ADGRG7: variants seen among roughly 807,000 people sequenced by gnomAD.
ADGRG7 encodes G-protein coupled receptor 128.
ADGRG7 carries 82 observed loss-of-function variants against 88.6 expected under a neutral mutation model. The ratio of observed to expected loss-of-function variants is 0.93; its 90% confidence interval spans 0.77 to 1.11. The LOEUF is 1.11. ADGRG7 is among the 50% of genes most tolerant of loss of function. The pLI is 0.00. For missense variants in ADGRG7, 945 were observed against 953.4 expected (o/e 0.99, Z 0.12); for synonymous variants, 381 against 345.2 (o/e 1.10, Z -1.15).
At chr3:100,674,810 CTCGT>C (rs913016254) in intron 15 of ADGRG7, among the ~76,000 whole-genome samples, 11 of 152,296 alleles carry the variant, frequency 7.2e-5, no homozygotes, top group African/African-American at 2.2e-4. Flanking sequence ...ATCTCCTGAC[CTCGT>C]GATCCACCCA....
chr3:100,681,741 T>A (rs1299339591), intron 15 of ADGRG7, among the ~76,000 whole-genome samples: 1 of 152,224 alleles, frequency 6.6e-6, no homozygotes, highest in East Asian at 1.9e-4. Flanking sequence ...CTCTGTAGTA[T>A]GGAAACATGT....
intron 10 of ADGRG7, among the ~76,000 whole-genome samples, chr3:100,648,414 AT>A (rs2149027031): frequency 6.6e-6 from 1 of 152,338 alleles, no homozygotes; most frequent in African/African-American, 2.4e-5. Flanking sequence ...TACACTACGT[AT>A]AAGAAATAAC....
intron 11 of ADGRG7, among the ~76,000 whole-genome samples, chr3:100,651,094 C>G (rs6770559): frequency 0.6 from 91,734 of 152,040 alleles, 29,536 homozygotes; most frequent in East Asian, 0.99. Flanking sequence ...CTTTTCTTCC[C>G]CTTTTCACAT....
intron 15 of ADGRG7, among the ~76,000 whole-genome samples, chr3:100,679,618 G>A (rs1383986009): frequency 6.6e-6 from 1 of 152,206 alleles, no homozygotes; most frequent in Admixed American, 6.5e-5. Context: ...TGAAAGAAAA[G>A]CTCTTTATGA....
At chr3:100,663,676 A>G (rs996685071) in intron 14 of ADGRG7, among the ~76,000 whole-genome samples, 17 of 152,072 alleles carry the variant, frequency 1.1e-4, no homozygotes, top group Admixed American at 1.3e-4. Context: ...TACGAATGGA[A>G]AACATGCCAA....
chr3:100,680,880 A>G (rs1394340715), intron 15 of ADGRG7, among the ~76,000 whole-genome samples: 1 of 152,198 alleles, frequency 6.6e-6, no homozygotes, highest in Non-Finnish European at 1.5e-5. Flanking sequence ...ATATTCAGTC[A>G]TATATCTATG....
Position 100,654,562 on chromosome 3 carries a change from G to A in ADGRG7, c.1380-273G>A, listed in dbSNP as rs183098162. 201 of 277,406 alleles carry A rather than the reference G, an allele frequency of 7.2e-4. 3 individuals are homozygous for A. The highest frequency in any genetic ancestry group is 4.6e-3 in the East Asian group (60 of 13,146). 17.2% of individuals were successfully genotyped at this position (277,406 alleles called of 1,614,324 possible). A position where few individuals can be genotyped will look rare whatever the true frequency, so the allele number is the denominator to read the frequency against. ...GTAGGGTTCACTGGGGGCCATTTTT[G>A]GAGATTAGCTATCACTTTTGATCAG... is the stretch of plus-strand genomic sequence containing the variant. On this transcript the variant is annotated intron_variant, in intron 11 of 15. Transcript: ENST00000273352.
intron 15 of ADGRG7, among the ~76,000 whole-genome samples, chr3:100,690,389 C>G (rs1045185866): frequency 1.3e-5 from 2 of 152,220 alleles, no homozygotes; most frequent in African/African-American, 4.8e-5. Flanking sequence ...AAGTCATTCT[C>G]CATCCAGCTT....
intron 15 of ADGRG7, among the ~76,000 whole-genome samples, chr3:100,694,131 T>C (rs2094998311): frequency 1.3e-5 from 2 of 152,212 alleles, no homozygotes; most frequent in African/African-American, 4.8e-5. Flanking sequence ...GAGGATTACA[T>C]GAGAATGATC....
At chr3:100,641,031 A>C (rs915879164) in intron 6 of ADGRG7, among the ~76,000 whole-genome samples, 1 of 152,146 alleles carries the variant, frequency 6.6e-6, no homozygotes, top group Non-Finnish European at 1.5e-5. Flanking sequence ...TCTTGAACAA[A>C]TAGAGATTTA....
At chr3:100,670,513 T>C (rs115212134) in intron 15 of ADGRG7, among the ~76,000 whole-genome samples, 4,977 of 152,338 alleles carry the variant, frequency 0.033, 276 homozygotes, top group African/African-American at 0.11. Context: ...TTCTTTTGGA[T>C]ATATATCTAG....
Position 100,694,865 on chromosome 3 carries a change from C to T in ADGRG7, c.2258C>T (p.Pro753Leu), listed in dbSNP as rs762241234. Reference protein sequence around the residue: ...RRKSLPSVTRPRLRVKMYNFL... With the variant: ...RRKSLPSVTRLRLRVKMYNFL... ...AAGTCATTGCCTTCAGTGACGCGGC[C>T]GAGGCTGCGTGTAAAGATGTATAAT... Residue 753 changes from proline (P) to leucine (L), a missense_variant, in exon 16 of 16, where the codon CCG becomes CTG. Pro to Leu is a moderately conservative substitution (Grantham distance 98, BLOSUM62 -3). Coordinates refer to ENST00000273352, the MANE Select transcript of ADGRG7 (RefSeq NM_032787.3). 150 of 1,613,952 alleles carry T rather than the reference C, an allele frequency of 9.3e-5. No individual in the cohort carries two copies. The highest frequency in any genetic ancestry group is 1.2e-4 in the Non-Finnish European group (140 of 1,180,028).
chr3:100,615,131 G>A (rs1707206350), intron 1 of ADGRG7, among the ~76,000 whole-genome samples: 1 of 152,180 alleles, frequency 6.6e-6, no homozygotes. Context: ...TTACAAGGAG[G>A]TCTGAGTCTA....
At chr3:100,630,383 C>A (rs889077487) in intron 2 of ADGRG7, among the ~76,000 whole-genome samples, 2 of 152,176 alleles carry the variant, frequency 1.3e-5, no homozygotes, top group African/African-American at 4.8e-5. Flanking sequence ...CCTCATGGTA[C>A]CGTTGACCAC....
chr3:100,686,298 C>G (rs2094982521), intron 15 of ADGRG7, among the ~76,000 whole-genome samples: 1 of 151,836 alleles, frequency 6.6e-6, no homozygotes, highest in African/African-American at 2.4e-5. Flanking sequence ...TGAGTAGGTT[C>G]CAAAAATTTT....
At chr3:100,678,189 C>T (rs1048747827) in intron 15 of ADGRG7, among the ~76,000 whole-genome samples, 2 of 151,830 alleles carry the variant, frequency 1.3e-5, no homozygotes, top group Non-Finnish European at 2.9e-5. Context: ...CTTTCTTCTG[C>T]TTGATTAATT....
At position 100,637,379 on chromosome 3, in the gene ADGRG7, T is replaced by A. The variant is rs1436345203; in HGVS notation, c.675T>A (p.Thr225=). The A allele has an allele frequency of 1.2e-6, 2 of 1,613,272 alleles. No homozygotes were observed. The highest frequency in any genetic ancestry group is 1.7e-6 in the Non-Finnish European group (2 of 1,179,284). The part of the protein sequence containing the change: ...SEDAFQRVAA[T]ANDDALTTLI... ...ATGCTTTTCAAAGAGTTGCTGCTAC[T>A]GCTAATGATGATGCCCTTACAACGT... The change falls in exon 6 of 16, where the codon ACT becomes ACA. Residue 225 remains threonine (T), a synonymous_variant. Coordinates refer to ENST00000273352, the MANE Select transcript of ADGRG7 (RefSeq NM_032787.3).
intron 1 of ADGRG7, among the ~76,000 whole-genome samples, chr3:100,628,611 C>T (rs897269256): frequency 5.3e-5 from 8 of 152,174 alleles, no homozygotes; most frequent in African/African-American, 1.9e-4. Flanking sequence ...CCACCTCAGC[C>T]TCCCAAAGTG....
At position 100,613,126 on chromosome 3, in the gene ADGRG7, G is replaced by A. The variant is rs187479951; in HGVS notation, c.115+3155G>A. On this transcript the variant is annotated intron_variant, in intron 1 of 15. Coordinates refer to ENST00000273352, the MANE Select transcript of ADGRG7 (RefSeq NM_032787.3). ...GCTGGTCTTGAACTCCTGACCTTAA[G>A]TGATCTGCCCGCCTCGGCCTCCCAA... Among the ~76,000 whole-genome samples, 110 of 152,280 alleles carry A rather than the reference G, an allele frequency of 7.2e-4. 1 individual carries two copies. The highest frequency in any genetic ancestry group is 2.6e-3 in the African/African-American group (108 of 41,564).
Sources: gnomAD v4.1 joint callset for allele counts (sites outside exome capture counted in the v4.1 genomes callset) on GRCh38, gnomAD v4.1.1 for gene constraint, MANE v1.5 for transcripts, NCBI Gene and HGNC (gene_info 2026-07-23, HGNC 2026-07-21) for gene names.